KAZN: variants seen among roughly 807,000 people sequenced by gnomAD.
The protein encoded by KAZN is kazrin.
KAZN carries 40 observed loss-of-function variants against 87.4 expected under a neutral mutation model. That is an observed-to-expected ratio of 0.46 (90% CI 0.36 to 0.60). The LOEUF (loss-of-function observed/expected upper bound fraction) is 0.60. Ranked by LOEUF, KAZN falls within the 20% of genes least tolerant of loss-of-function variation. KAZN has a pLI of 0.00. For missense variants in KAZN, 898 were observed against 1,073.9 expected, an observed-to-expected ratio of 0.84 and a Z score of 2.29; for synonymous variants, 466 against 458.3, an observed-to-expected ratio of 1.02 and a Z score of -0.22.
At chr1:14,437,852 AGC>A (rs1187040896) in intron 2 of KAZN, among the ~76,000 whole-genome samples, 15 of 152,182 alleles carry the variant, frequency 9.9e-5, no homozygotes, top group Middle Eastern at 3.2e-3. Flanking sequence ...TTGAAGTGAC[AGC>A]AACAAAGAAA....
chr1:14,757,061 A>G (rs1053158085), intron 1 of KAZN, among the ~76,000 whole-genome samples: 12 of 152,222 alleles, frequency 7.9e-5, no homozygotes, highest in African/African-American at 2.9e-4. Flanking sequence ...GGGTTGTGAA[A>G]CTTCAGCATC....
intron 1 of KAZN, among the ~76,000 whole-genome samples, chr1:14,813,631 T>A (rs775116466): frequency 1.3e-5 from 2 of 152,242 alleles, no homozygotes; most frequent in Non-Finnish European, 2.9e-5. Flanking sequence ...TATTGTTATT[T>A]TAAGACTAAT....
chr1:14,806,142 G>C (rs908728070), intron 1 of KAZN, among the ~76,000 whole-genome samples: 1 of 152,182 alleles, frequency 6.6e-6, no homozygotes, highest in Non-Finnish European at 1.5e-5. Flanking sequence ...GAACTCCCCA[G>C]GGTTCCTCTG....
At chr1:14,557,090 G>A (rs1046974980) in intron 2 of KAZN, among the ~76,000 whole-genome samples, 10 of 152,082 alleles carry the variant, frequency 6.6e-5, no homozygotes, top group Admixed American at 2.6e-4. Flanking sequence ...TGAAAAAAAC[G>A]AAATCTGCCC....
At chr1:14,714,340 A>G (rs1289348967) in intron 1 of KAZN, among the ~76,000 whole-genome samples, 1 of 152,158 alleles carries the variant, frequency 6.6e-6, no homozygotes, top group Non-Finnish European at 1.5e-5. Context: ...TTAGCTGGAT[A>G]ATTGGCTCTG....
At chr1:13,941,213 A>C (rs989644722) in intron 1 of KAZN, among the ~76,000 whole-genome samples, 35 of 152,264 alleles carry the variant, frequency 2.3e-4, no homozygotes, top group Admixed American at 7.2e-4. Flanking sequence ...AACAACAAAA[A>C]AAAAACAATA....
chr1:14,126,089 A>G (rs1054132557), intron 1 of KAZN, among the ~76,000 whole-genome samples: 3 of 152,112 alleles, frequency 2.0e-5, no homozygotes, highest in African/African-American at 7.2e-5. Context: ...CAGTGACATG[A>G]TCTGGTTTAT....
chr1:13,900,066 T>C (rs1310337983), intron 1 of KAZN, among the ~76,000 whole-genome samples: 1 of 152,228 alleles, frequency 6.6e-6, no homozygotes, highest in Non-Finnish European at 1.5e-5. Flanking sequence ...GCTGCTAGCA[T>C]GATGAAATGG....
intron 2 of KAZN, among the ~76,000 whole-genome samples, chr1:14,455,180 T>A (rs527997086): frequency 1.3e-5 from 2 of 152,362 alleles, no homozygotes; most frequent in Non-Finnish European, 2.9e-5. Context: ...ATCTGATTCA[T>A]ACTTACACAA....
At chr1:15,034,199 C>T (rs915608063) in intron 2 of KAZN, among the ~76,000 whole-genome samples, 1 of 152,166 alleles carries the variant, frequency 6.6e-6, no homozygotes, top group Non-Finnish European at 1.5e-5. Context: ...GAAACACAAA[C>T]GGTTTTAATT....
chr1:14,311,008 G>A (rs1412321477), intron 2 of KAZN, among the ~76,000 whole-genome samples: 3 of 152,218 alleles, frequency 2.0e-5, no homozygotes, highest in Non-Finnish European at 4.4e-5. Flanking sequence ...CTGTCGATGA[G>A]ATGACCTGTT....
At chr1:15,033,770 G>C (rs953467310) in intron 2 of KAZN, among the ~76,000 whole-genome samples, 1 of 152,074 alleles carries the variant, frequency 6.6e-6, no homozygotes, top group African/African-American at 2.4e-5. Context: ...ACAGAGTCTC[G>C]CTCTCTCACC....
At chr1:15,028,833 T>C (rs1002926790) in intron 2 of KAZN, among the ~76,000 whole-genome samples, 2 of 152,144 alleles carry the variant, frequency 1.3e-5, no homozygotes, top group Admixed American at 6.5e-5. Flanking sequence ...TGGGAGAGGG[T>C]AGCAGCATGA....
chr1:14,570,174 CTCAG>C (rs1455403362), intron 2 of KAZN, among the ~76,000 whole-genome samples: 2 of 152,172 alleles, frequency 1.3e-5, no homozygotes, highest in Non-Finnish European at 2.9e-5. Context: ...CTCCTCTCTC[CTCAG>C]TCAGGTTCAT....
intron 2 of KAZN, among the ~76,000 whole-genome samples, chr1:14,223,897 A>G (rs1251395539): frequency 6.6e-6 from 1 of 152,162 alleles, no homozygotes; most frequent in Non-Finnish European, 1.5e-5. Context: ...TTGATGGGCA[A>G]AGGAGGTGAT....
Position 15,051,326 on chromosome 1 carries a change from T to C in KAZN, c.727-4765T>C, listed in dbSNP as rs735380. ...CCCTCCTGGTTAACAGGAACTGCCA[T>C]TGGCCCCAGCCAAAAGGCAGGTGAG... is the stretch of plus-strand genomic sequence containing the variant. On this transcript the variant is annotated intron_variant, in intron 4 of 14. Transcript: ENST00000376030. Among the ~76,000 whole-genome samples, 474 of 152,316 alleles carry C rather than the reference T, an allele frequency of 3.1e-3. 3 individuals are homozygous for C. The South Asian group carries it at 0.042, about 14-fold the overall frequency.
At chr1:14,018,202 G>A (rs1179889823) in intron 1 of KAZN, among the ~76,000 whole-genome samples, 1 of 152,126 alleles carries the variant, frequency 6.6e-6, no homozygotes, top group Non-Finnish European at 1.5e-5. Context: ...TGTCTGAGCT[G>A]GCTAGTCCAC....
chr1:14,621,803 T>A (rs1678717359), intron 1 of KAZN, among the ~76,000 whole-genome samples: 1 of 152,222 alleles, frequency 6.6e-6, no homozygotes, highest in Non-Finnish European at 1.5e-5. Context: ...CCTTCTGCCA[T>A]GACTGTGAGG....
At chr1:14,853,460 C>A (rs1298148245) in intron 1 of KAZN, among the ~76,000 whole-genome samples, 1 of 152,124 alleles carries the variant, frequency 6.6e-6, no homozygotes, top group Non-Finnish European at 1.5e-5. Context: ...ATCTTCAGCC[C>A]CATTTCTCAG....
Sources: gnomAD v4.1 joint callset for allele counts (sites outside exome capture counted in the v4.1 genomes callset) on GRCh38, gnomAD v4.1.1 for gene constraint, MANE v1.5 for transcripts, NCBI Gene and HGNC (gene_info 2026-07-23, HGNC 2026-07-21) for gene names.